Variants in KHDC4 observed in about 807,000 individuals in gnomAD.
KHDC4 encodes KH domain containing 4, pre-mRNA splicing factor.
A neutral mutation model predicts 74.5 loss-of-function variants in KHDC4; 19 were observed. The observed-to-expected ratio is 0.26, with a 90% CI of 0.18 to 0.37. The LOEUF (loss-of-function observed/expected upper bound fraction) is 0.37. Among genes scored for constraint, KHDC4 ranks in the 10% least tolerant of loss-of-function variants. The pLI, the probability that KHDC4 is intolerant of heterozygous loss-of-function variation, is 1.00. For missense variants in KHDC4, 632 were observed against 754.1 expected (o/e 0.84, Z 1.90); for synonymous variants, 253 against 266.1 (o/e 0.95, Z 0.48).
Position 155,927,837 on chromosome 1 carries a change from C to A in KHDC4, c.465-681G>T, listed in dbSNP as rs1674047242. On this transcript the variant is annotated intron_variant, in intron 4 of 13. Transcript: ENST00000368321. ...AAAAAAAAAAAAAAAAAAAACCACACACACACACACACACACACACACACA... is the reference window on the plus strand; with the variant it reads ...AAAAAAAAAAAAAAAAAAAACCACAAACACACACACACACACACACACACA... Among the ~76,000 whole-genome samples the A allele has an allele frequency of 5.0e-3, 53 of 10,704 alleles. 2 individuals carry two copies. Among genetic ancestry groups the A allele is most frequent in the Admixed American group, 0.011 (8 of 722 alleles). 7.0% of individuals were successfully genotyped at this position (10,704 alleles called of 152,430 possible).
intron 6 of KHDC4, 129 bp downstream of exon 6, chr1:155,926,547 C>G: frequency 9.9e-7 from 1 of 1,013,022 alleles, no homozygotes. Flanking sequence ...AAATTCCTGA[C>G]CTCAAATGAT....
chr1:155,928,432 C>A (rs557820946), intron 4 of KHDC4, among the ~76,000 whole-genome samples: 142 of 151,980 alleles, frequency 9.3e-4, no homozygotes, highest in African/African-American at 3.3e-3. Flanking sequence ...AATTTTGCCA[C>A]CTTATTTTGT....
At chr1:155,920,050 A>G (rs1247814558) in intron 10 of KHDC4, 1 of 507,526 alleles carries the variant, frequency 2.0e-6, no homozygotes, top group Admixed American at 2.0e-5. Context: ...CCATGCTCTC[A>G]TTAAGTCTCT....
At chr1:155,918,971 G>GTTTTTTT (rs66693073) in intron 10 of KHDC4, among the ~76,000 whole-genome samples, 1 of 107,446 alleles carries the variant, frequency 9.3e-6, no homozygotes, top group Non-Finnish European at 1.8e-5. Context: ...CTAACTCCCA[G>GTTTTTTT]TTTTTTTTTT....
intron 6 of KHDC4, chr1:155,926,162 A>C (rs772054904): frequency 2.3e-5 from 12 of 512,420 alleles, no homozygotes; most frequent in Non-Finnish European, 4.2e-5. Flanking sequence ...TGCTCTATCA[A>C]TCTCCTTTCT....
chr1:155,917,335 G>A (rs938867642), intron 11 of KHDC4, among the ~76,000 whole-genome samples, 164 bp downstream of exon 11: 3 of 152,132 alleles, frequency 2.0e-5, no homozygotes, highest in African/African-American at 7.2e-5. Context: ...AGAACTCTCA[G>A]AGGCTTTCAA....
chr1:155,923,782 T>G, intron 7 of KHDC4, 95 bp from the exon 8 acceptor site: 1 of 883,172 alleles, frequency 1.1e-6, no homozygotes, highest in Non-Finnish European at 1.9e-6. Flanking sequence ...CATATCTACA[T>G]TAATACATTC....
At chr1:155,927,039 G>C in intron 5 of KHDC4, 65 bp downstream of exon 5, 1 of 1,487,122 alleles carries the variant, frequency 6.7e-7, no homozygotes, top group Non-Finnish European at 9.4e-7. Flanking sequence ...TTGCCAACTT[G>C]CTATACAGAG....
chr1:155,921,835 T>A (rs367965889), intron 9 of KHDC4, 26 bp downstream of exon 9: 1 of 1,561,470 alleles, frequency 6.4e-7, no homozygotes, highest in Admixed American at 1.7e-5. Context: ...GCAAAATATT[T>A]TTTAAACACT....
chr1:155,920,400 G>A (rs1673834700), intron 10 of KHDC4, among the ~76,000 whole-genome samples: 1 of 152,016 alleles, frequency 6.6e-6, no homozygotes, highest in African/African-American at 2.4e-5. Context: ...ATGCGCCACT[G>A]CACTCCAGCC....
chr1:155,927,827 A>C (rs1271381859), intron 4 of KHDC4, among the ~76,000 whole-genome samples: 44 of 65,638 alleles, frequency 6.7e-4, no homozygotes, highest in Non-Finnish European at 1.2e-3. Flanking sequence ...AAAAAAAAAA[A>C]AAAACCACAC....
intron 6 of KHDC4, 139 bp from the exon 7 acceptor site, chr1:155,925,982 C>T (rs1161742888): frequency 1.4e-5 from 11 of 801,798 alleles, no homozygotes; most frequent in Non-Finnish European, 2.2e-5. Flanking sequence ...ACAGTCAGCC[C>T]TGTGATACTC....
chr1:155,929,592 C>T, intron 3 of KHDC4, 120 bp downstream of exon 3: 2 of 1,203,868 alleles, frequency 1.7e-6, no homozygotes, highest in South Asian at 3.0e-5. Context: ...TAAACCCAAT[C>T]CTGACTTTAG....
chr1:155,921,595 G>C lies in KHDC4; in HGVS notation c.1046C>G (p.Pro349Arg). 1.2e-6 allele frequency: 2 copies of C among 1,614,080 alleles called. No homozygotes were observed. The highest frequency in any genetic ancestry group is 2.2e-5 in the East Asian group (1 of 44,882). The change falls in exon 10 of 14, where the codon CCT becomes CGT. Residue 349 changes from proline to arginine, a missense_variant. Physicochemically the swap from Pro to Arg is moderately radical, Grantham distance 103 (BLOSUM62 -2). Transcript: ENST00000368321. ...YTQPSAISSV[P>R]PQPPYYPSNG... ...GGATGGATAATATGGTGGTTGAGGA[G>C]GGACACTACTTATAGCAGAGGGTTG...
intron 8 of KHDC4, 83 bp downstream of exon 8, chr1:155,923,544 C>T: frequency 2.9e-6 from 3 of 1,037,744 alleles, no homozygotes; most frequent in Non-Finnish European, 4.6e-6. Context: ...TACTAGGAAA[C>T]TAAACAGGTG....
chr1:155,926,619 C>A (rs765038879), intron 6 of KHDC4, 57 bp downstream of exon 6: 1 of 1,570,748 alleles, frequency 6.4e-7, no homozygotes, highest in Admixed American at 1.7e-5. Context: ...GCCTGGCCAG[C>A]ACATATCATT....
chr1:155,922,038 C>G (rs1673875266), intron 8 of KHDC4, 120 bp from the exon 9 acceptor site: 1 of 597,376 alleles, frequency 1.7e-6, no homozygotes, highest in African/African-American at 1.9e-5. Flanking sequence ...ACCAATGTTC[C>G]AATCAAATTT....
rs748700736 is a variant in KHDC4 at position 155,917,584 on chromosome 1, GGGGGCT to G, written c.1349_1354del (p.Gln450_Pro451del). 7.8e-5 allele frequency: 125 copies of G among 1,602,832 alleles called. No individual in the cohort carries two copies. The highest frequency in any genetic ancestry group is 2.1e-4 in the Middle Eastern group (1 of 4,870). On this transcript the variant is annotated inframe_deletion, in exon 11 of 14. Coordinates refer to ENST00000368321, the MANE Select transcript of KHDC4 (RefSeq NM_014949.4). ...CTGTGCCTGGGGCTGACTTGGGAGT[GGGGGCT>G]GGGGCTGGGGCTGGGGCTGGGGGCC...
rs1030395113 is a variant in KHDC4, at chr1:155,913,598, A to C, written c.*523T>G. 6.5e-6 allele frequency: 1 copy of C among 153,126 alleles called. No homozygotes were observed. The allele number at this position is 153,126 out of a possible 1,614,324, so 9.5% of individuals were successfully genotyped here. A position where few individuals can be genotyped will look rare whatever the true frequency, so the allele number is the denominator to read the frequency against. ...ATCCAACAGTTTTAAATGAGACAGC[A>C]TTTTCCAAAACAGAAATAATCCAAA... is the stretch of plus-strand genomic sequence containing the variant. On this transcript the variant is annotated 3_prime_UTR_variant, in exon 14 of 14. Transcript: ENST00000368321.
Sources: allele counts gnomAD v4.1 joint callset (sites outside exome capture counted in the v4.1 genomes callset), GRCh38; gene constraint gnomAD v4.1.1; transcripts MANE v1.5; gene names NCBI Gene and HGNC (gene_info 2026-07-23, HGNC 2026-07-21).